Variants in RNF39 observed in about 807,000 individuals in gnomAD.
RNF39 encodes ring finger protein 39.
Under a neutral mutation model 29.2 loss-of-function variants are expected in RNF39, and 25 were observed. The observed-to-expected ratio is 0.86, with a 90% confidence interval of 0.62 to 1.20. The LOEUF is 1.20. RNF39 is among the 50% of genes most tolerant of loss of function. The pLI, the probability that RNF39 is intolerant of heterozygous loss-of-function variation, is 0.00. For synonymous variants in RNF39, 219 were observed against 229.0 expected, an observed-to-expected ratio of 0.96 and a Z score of 0.40; for missense variants, 519 against 515.0, an observed-to-expected ratio of 1.01 and a Z score of -0.08.
chr6:30,075,027 C>G (rs780336876), intron 1 of RNF39, among the ~76,000 whole-genome samples, 196 bp downstream of exon 1: 4 of 152,204 alleles, frequency 2.6e-5, no homozygotes, highest in African/African-American at 4.8e-5. Context: ...CAAGTGTCAA[C>G]TCCATCCATC....
chr6:30,073,518 C>T, intron 1 of RNF39, 40 bp from the exon 2 acceptor site: 2 of 1,608,290 alleles, frequency 1.2e-6, no homozygotes, highest in Non-Finnish European at 1.7e-6. Context: ...GAGCTCTGGG[C>T]TTCATTCCCT....
chr6:30,071,590 C>A lies in RNF39; in HGVS notation c.580G>T (p.Asp194Tyr). Reference sequence around the variant, plus strand: ...AGCTGATCGAAGCGCTTGGGGCCGTCAGGGGGCGCGGGCGTCCCTGGTGGG... The same window carrying A: ...AGCTGATCGAAGCGCTTGGGGCCGTAAGGGGGCGCGGGCGTCCCTGGTGGG... ...LAPPGTPAPP[D>Y]GPKRFDQLPA... Residue 194 changes from aspartate to tyrosine, a missense_variant, in exon 4 of 4, where the codon GAC (aspartate) becomes TAC (tyrosine). Coordinates refer to ENST00000244360, the MANE Select transcript of RNF39 (RefSeq NM_025236.4). The surrounding 1 kb of genome is among the most constrained non-coding windows in gnomAD (Gnocchi z 5.0). 1 of 1,469,856 alleles carries A rather than the reference C, an allele frequency of 6.8e-7. No individual in the cohort carries two copies. 91.1% of individuals were successfully genotyped at this position (1,469,856 alleles called of 1,614,324 possible).
At chr6:30,073,950 C>T (rs141832559) in intron 1 of RNF39, among the ~76,000 whole-genome samples, 115 of 152,276 alleles carry the variant, frequency 7.6e-4, no homozygotes, top group African/African-American at 2.7e-3. Context: ...CCAGAGCCCT[C>T]GGGCTAAGAG....
Position 30,071,013 on chromosome 6 carries a change from G to C in RNF39, c.*98C>G. On this transcript the variant is annotated 3_prime_UTR_variant, in exon 4 of 4. Coordinates refer to ENST00000244360, the MANE Select transcript of RNF39 (RefSeq NM_025236.4). This position sits in a 1 kb window ranked among gnomAD's most constrained non-coding sequence, Gnocchi z 5.0. ...GTTGCTATTAATACTCCTGCAATGG[G>C]CGTGTGAATGTGTTCCCAGAAATGA... is the stretch of plus-strand genomic sequence containing the variant. 1.0e-6 allele frequency: 1 copy of C among 974,946 alleles called. No homozygotes were observed. 60.4% of individuals were successfully genotyped at this position (974,946 alleles called of 1,614,324 possible).
At position 30,073,540 on chromosome 6, in the gene RNF39, C is replaced by T. The variant is rs1766166472; in HGVS notation, c.364-62G>A. 7.0e-6 allele frequency: 11 copies of T among 1,579,208 alleles called. No individual in the cohort carries two copies. The South Asian group carries it at 9.3e-5, about 13-fold the overall frequency. ...GGGCTTCATTCCCTGGGGCATCCTT[C>T]CCTATCTCTCCCCTCCTCAGGTGAG... is the stretch of plus-strand genomic sequence containing the variant. On this transcript the variant is annotated intron_variant, in intron 1 of 3. Transcript: ENST00000244360.
In RNF39 at chr6:30,072,291, A is replaced by G. The variant is rs1766054016; in HGVS notation, c.479-600T>C. Among the ~76,000 whole-genome samples, 1 of 152,114 alleles carries G rather than the reference A, an allele frequency of 6.6e-6. No homozygotes were observed. The highest frequency in any genetic ancestry group is 2.4e-5 in the African/African-American group (1 of 41,412). On this transcript the variant is annotated intron_variant, in intron 3 of 3. Coordinates refer to ENST00000244360, the MANE Select transcript of RNF39 (RefSeq NM_025236.4). This position sits in a 1 kb window ranked among gnomAD's most constrained non-coding sequence, Gnocchi z 4.5. ...GAGCAGGTGGTGATAGCCAGAGACCAGAAAAAGAACCATTGGCCTTATATG... is the reference window on the plus strand; with the variant it reads ...GAGCAGGTGGTGATAGCCAGAGACCGGAAAAAGAACCATTGGCCTTATATG...
Position 30,071,824 on chromosome 6 carries a change from G to T in RNF39, c.479-133C>A. On this transcript the variant is annotated intron_variant, in intron 3 of 3. Coordinates refer to ENST00000244360, the MANE Select transcript of RNF39 (RefSeq NM_025236.4). This position sits in a 1 kb window ranked among gnomAD's most constrained non-coding sequence, Gnocchi z 5.0. ...GTGACCACACAACAGCTCAAAAGGC[G>T]ACTGCAGGACCAAAAAGAAGGAAGG... 2.8e-6 allele frequency: 2 copies of T among 713,708 alleles called. No homozygotes were observed. Among genetic ancestry groups the T allele is most frequent in the South Asian group, 5.2e-5 (2 of 38,630 alleles). 44.2% of individuals were successfully genotyped at this position (713,708 alleles called of 1,614,324 possible).
intron 1 of RNF39, 59 bp downstream of exon 1, chr6:30,075,164 G>C: frequency 6.7e-7 from 1 of 1,484,284 alleles, no homozygotes. Context: ...TGCCATTCCC[G>C]GCTTCCCCGG....
At position 30,070,672 on chromosome 6, in the gene RNF39, G is replaced by GAT; in HGVS notation, c.*438_*439insAT. On this transcript the variant is annotated 3_prime_UTR_variant, in exon 4 of 4. Coordinates refer to ENST00000244360, the MANE Select transcript of RNF39 (RefSeq NM_025236.4). Reference sequence around the variant, plus strand: ...AGGAGAAACCTCAGTGGACAGGCAGGGTAGCCCAGTCCTTAGATCTGTGGG... The same window carrying GAT: ...AGGAGAAACCTCAGTGGACAGGCAGGATGTAGCCCAGTCCTTAGATCTGTGGG... 2 of 379,266 alleles carry GAT rather than the reference G, an allele frequency of 5.3e-6. No homozygotes were observed. The highest frequency in any genetic ancestry group is 4.0e-5 in the South Asian group (2 of 49,748). 23.5% of individuals were successfully genotyped at this position (379,266 alleles called of 1,614,324 possible).
Position 30,070,739 on chromosome 6 carries a change from G to T in RNF39, c.*372C>A. The T allele has an allele frequency of 2.1e-6, 1 of 486,544 alleles. No homozygotes were observed. The highest frequency in any genetic ancestry group is 4.0e-6 in the Non-Finnish European group (1 of 247,408). The allele number at this position is 486,544 out of a possible 1,614,324, so 30.1% of individuals were successfully genotyped here. On this transcript the variant is annotated 3_prime_UTR_variant, in exon 4 of 4. Coordinates refer to ENST00000244360, the MANE Select transcript of RNF39 (RefSeq NM_025236.4). ...TCTGGAGCTAGGAGTGGCAAGAGTG[G>T]GAGTCAAGTATTTGACCAGCAGAGC...
At position 30,075,278 on chromosome 6, in the gene RNF39, C is replaced by T. The variant is rs771216014; in HGVS notation, c.308G>A (p.Gly103Glu). 2.5e-6 allele frequency: 4 copies of T among 1,598,692 alleles called. No homozygotes were observed. In the African/African-American group the frequency reaches 4.0e-5, roughly 16 times the overall value. The stretch of plus-strand genomic sequence containing the variant: ...GGGGATGCGCCCCCCTCGGCGTCTC[C>T]CCGCACGGGCCCCAGGCTCAGCCAG... ...EKLAEPGARAGRRRGGRIPTM... is the reference protein window; with the variant it reads ...EKLAEPGARAERRRGGRIPTM... The change falls in exon 1 of 4, where the codon GGG becomes GAG. Residue 103 changes from glycine (G) to glutamate (E), a missense_variant. Physicochemically the swap from Gly to Glu is moderately conservative, Grantham distance 98. Coordinates refer to ENST00000244360, the MANE Select transcript of RNF39 (RefSeq NM_025236.4).
In RNF39 at chr6:30,070,466, G is replaced by A. The variant is rs113784066; in HGVS notation, c.*645C>T. 2,385 of 160,716 alleles carry A rather than the reference G, an allele frequency of 0.015. 55 individuals are homozygous for A. The highest frequency in any genetic ancestry group is 0.078 in the South Asian group (791 of 10,080). 10.0% of individuals were successfully genotyped at this position (160,716 alleles called of 1,614,324 possible). On this transcript the variant is annotated 3_prime_UTR_variant, in exon 4 of 4. Transcript: ENST00000244360. ...GAAATAGCACCATTGGTTCCTTTCC[G>A]TGAGTATGTGCGGGGAGAAGTTTCA...
Position 30,071,544 on chromosome 6 carries a change from T to A in RNF39, c.626A>T (p.Gln209Leu), listed in dbSNP as rs1402495112. 1.3e-6 allele frequency: 2 copies of A among 1,519,434 alleles called. No homozygotes were observed. Among genetic ancestry groups the A allele is most frequent in the South Asian group, 2.4e-5 (2 of 81,680 alleles). 94.1% of individuals were successfully genotyped at this position (1,519,434 alleles called of 1,614,324 possible). Residue 209 changes from glutamine (Q) to leucine (L), a missense_variant, in exon 4 of 4, where the codon CAG (glutamine) becomes CTG (leucine). Gln to Leu is a moderately radical substitution (Grantham distance 113). Transcript: ENST00000244360. This position sits in a 1 kb window ranked among gnomAD's most constrained non-coding sequence, Gnocchi z 5.0. ...GCAGTGGCGGCCGGCCCCGAAGCCCTGCGCACCCAGCACAGCTGGGAGCTG... is the reference window on the plus strand; with the variant it reads ...GCAGTGGCGGCCGGCCCCGAAGCCCAGCGCACCCAGCACAGCTGGGAGCTG... ...FDQLPAVLGAQGFGAGRHCWE... is the reference protein window; with the variant it reads ...FDQLPAVLGALGFGAGRHCWE...
rs1307625673 is a variant in RNF39 at position 30,075,342 on chromosome 6, C to T, written c.244G>A (p.Ala82Thr). The change falls in exon 1 of 4, where the codon GCG becomes ACG. Residue 82 changes from alanine to threonine, a missense_variant. Coordinates refer to ENST00000244360, the MANE Select transcript of RNF39 (RefSeq NM_025236.4). ...RRSLRSNVRLAVEVRISRELR... is the reference protein window; with the variant it reads ...RRSLRSNVRLTVEVRISRELR... ...TCGCGGCTGATTCGCACCTCCACCG[C>T]CAGCCGCACATTAGACCTCAGGCTG... 3.8e-6 allele frequency: 6 copies of T among 1,591,892 alleles called. No individual in the cohort carries two copies. The highest frequency in any genetic ancestry group is 5.1e-6 in the Non-Finnish European group (6 of 1,171,670).
chr6:30,071,211 T>A lies in RNF39; in HGVS notation c.959A>T (p.Tyr320Phe). 6.6e-7 allele frequency: 1 copy of A among 1,515,978 alleles called. No individual in the cohort carries two copies. Among genetic ancestry groups the A allele is most frequent in the Non-Finnish European group, 8.8e-7 (1 of 1,135,678 alleles). The allele number at this position is 1,515,978 out of a possible 1,614,324, so 93.9% of individuals were successfully genotyped here. Residue 320 changes from tyrosine (Y) to phenylalanine (F), a missense_variant, in exon 4 of 4, where the codon TAC becomes TTC. By Grantham distance (22) the Tyr-to-Phe change is conservative (BLOSUM62 3). Transcript: ENST00000244360. This position sits in a 1 kb window ranked among gnomAD's most constrained non-coding sequence, Gnocchi z 5.0. ...CAGGGGGCCAGGCGCCTGGAAGGCG[T>A]AAAGCAGGTCGAGTGAGCGGCCGTC... ...FYDGRSLDLL[Y>F]AFQAPGPLGE...
In RNF39 at chr6:30,074,902, G is replaced by A. The variant is rs1411222589; in HGVS notation, c.363+321C>T. 1.3e-5 allele frequency among the ~76,000 whole-genome samples: 2 copies of A among 151,928 alleles called. No homozygotes were observed. The highest frequency in any genetic ancestry group is 2.9e-5 in the Non-Finnish European group (2 of 67,966). ...TTCTGCAGTTCCCATGCCCTTCGCGGCGACTCCAGGGCTCTCCGCGTTCTA... is the reference window on the plus strand; with the variant it reads ...TTCTGCAGTTCCCATGCCCTTCGCGACGACTCCAGGGCTCTCCGCGTTCTA... On this transcript the variant is annotated intron_variant, in intron 1 of 3. Coordinates refer to ENST00000244360, the MANE Select transcript of RNF39 (RefSeq NM_025236.4). This position sits in a 1 kb window ranked among gnomAD's most constrained non-coding sequence, Gnocchi z 4.1.
Position 30,072,787 on chromosome 6 carries a change from A to G in RNF39, c.478+370T>C, listed in dbSNP as rs1766093844. ...AGGTCATTAGGGTGGGCTCTAATCC[A>G]GATTGCTGACTTACAAAAAGAGGAA... is the stretch of plus-strand genomic sequence containing the variant. On this transcript the variant is annotated intron_variant, in intron 3 of 3. Transcript: ENST00000244360. The surrounding 1 kb of genome is among the most constrained non-coding windows in gnomAD (Gnocchi z 4.5). 2.0e-5 allele frequency among the ~76,000 whole-genome samples: 3 copies of G among 152,222 alleles called. No homozygotes were observed. Among genetic ancestry groups the G allele is most frequent in the Non-Finnish European group, 4.4e-5 (3 of 68,030 alleles).
intron 2 of RNF39, 31 bp from the exon 3 acceptor site, chr6:30,073,279 C>T: frequency 1.3e-6 from 2 of 1,544,720 alleles, no homozygotes; most frequent in South Asian, 1.1e-5. Flanking sequence ...GTCAGGAAAT[C>T]AGCCCTCTGA....
intron 2 of RNF39, 99 bp from the exon 3 acceptor site, chr6:30,073,347 A>C: frequency 6.5e-7 from 1 of 1,530,586 alleles, no homozygotes; most frequent in Non-Finnish European, 9.1e-7. Context: ...GGATGAGACT[A>C]TACCCCAGAA....
Sources: allele counts gnomAD v4.1 joint callset (sites outside exome capture counted in the v4.1 genomes callset), GRCh38; gene constraint gnomAD v4.1.1; non-coding constraint Gnocchi (gnomAD v3.1); transcripts MANE v1.5; gene names NCBI Gene and HGNC (gene_info 2026-07-23, HGNC 2026-07-21).